Variants in MADD observed in about 807,000 individuals in gnomAD.
MADD encodes MAP kinase activating death domain, also known as MAP kinase-activating death domain protein.
Under a neutral mutation model 176.7 loss-of-function variants are expected in MADD, and 109 were observed. The ratio of observed to expected loss-of-function variants is 0.62; its 90% CI spans 0.53 to 0.72. The LOEUF (loss-of-function observed/expected upper bound fraction) is 0.72. Among genes scored for constraint, MADD ranks in the 30% least tolerant of loss-of-function variants. The probability of loss-of-function intolerance (pLI) is 0.00; values close to 1 mark genes in which losing one functional copy is unlikely to be tolerated. For synonymous variants in MADD, 771 were observed against 771.3 expected (o/e 1.00, Z 0.01); for missense variants, 1,914 against 2,045.5 (o/e 0.94, Z 1.24).
intron 27 of MADD, among the ~76,000 whole-genome samples, chr11:47,320,779 AGG>A (rs1335938558): frequency 6.6e-6 from 1 of 152,018 alleles, no homozygotes; most frequent in African/African-American, 2.4e-5. Flanking sequence ...AAAATAAGCT[AGG>A]CATGCTAGTG....
rs201296040 is a variant in MADD at position 47,295,852 on chromosome 11, G to A, written c.3484-45G>A. The A allele has an allele frequency of 1.9e-6, 3 of 1,572,670 alleles. No individual in the cohort carries two copies. The African/African-American group carries it at 4.1e-5, about 21-fold the overall frequency. The stretch of plus-strand genomic sequence containing the variant: ...GCTCTAACAGCTTGGTATTTCTGGG[G>A]CCCATCCCTGGGGACTGTCTCTTAC... On this transcript the variant is annotated intron_variant, in intron 21 of 32. Transcript: ENST00000402192.
intron 22 of MADD, among the ~76,000 whole-genome samples, chr11:47,298,116 A>G (rs953817362): frequency 3.3e-5 from 5 of 152,134 alleles, no homozygotes; most frequent in African/African-American, 1.2e-4. Flanking sequence ...AACCTTCACC[A>G]CAAAATCTAA....
chr11:47,324,680 C>T lies in MADD; in HGVS notation c.4542+103C>T, dbSNP rs112466691. On this transcript the variant is annotated intron_variant, in intron 30 of 32. Transcript: ENST00000402192. ...CCCAGCAAGCATGAGAGAGGGCCCTCTGGAGCTAGAGGGAGAACTGGAGCA... is the reference window on the plus strand; with the variant it reads ...CCCAGCAAGCATGAGAGAGGGCCCTTTGGAGCTAGAGGGAGAACTGGAGCA... 240 of 810,908 alleles carry T rather than the reference C, an allele frequency of 3.0e-4. 1 individual carries two copies. The African/African-American group carries it at 3.3e-3, about 11-fold the overall frequency. 50.2% of individuals were successfully genotyped at this position (810,908 alleles called of 1,614,324 possible).
exon 24 of MADD, chr11:47,309,300 A>G (rs1211215212): frequency 3.1e-6 from 5 of 1,614,064 alleles, no homozygotes; most frequent in African/African-American, 1.3e-5. Flanking sequence ...GTTCTACTTT[A>G]TGGGACCAAA....
At chr11:47,281,530 C>T in intron 7 of MADD, 45 bp from the exon 8 acceptor site, 1 of 1,514,472 alleles carries the variant, frequency 6.6e-7, no homozygotes, top group Admixed American at 1.8e-5. Context: ...TGGCTAGCTG[C>T]CCAGGGACGT....
At chr11:47,322,223 T>A (rs1422603652) in intron 27 of MADD, among the ~76,000 whole-genome samples, 4 of 152,160 alleles carry the variant, frequency 2.6e-5, no homozygotes, top group African/African-American at 9.7e-5. Context: ...AGCTCAGTAA[T>A]GGCAGAGCTG....
At chr11:47,289,270 G>A in intron 15 of MADD, 121 bp from the exon 17 acceptor site, 2 of 889,478 alleles carry the variant, frequency 2.2e-6, no homozygotes, top group Admixed American at 3.9e-5. Flanking sequence ...TGATGCCTTG[G>A]TGCTACCCTC....
At chr11:47,269,756 T>G (rs1388434437), upstream of MADD, 1 of 147,146 alleles carries the variant, frequency 6.8e-6, no homozygotes, top group Non-Finnish European at 1.5e-5. Flanking sequence ...AGCGCGTGAG[T>G]GGGGGGTGGG....
intron 26 of MADD, among the ~76,000 whole-genome samples, chr11:47,313,921 G>C (rs559618201): frequency 6.6e-6 from 1 of 151,806 alleles, no homozygotes; most frequent in Admixed American, 6.6e-5. Context: ...CACAACGCCC[G>C]GCTAATTTTT....
exon 3 of MADD, chr11:47,275,094 C>G: frequency 6.2e-7 from 1 of 1,614,246 alleles, no homozygotes; most frequent in Non-Finnish European, 8.5e-7. Flanking sequence ...CTCTCAAGCG[C>G]CTGGTGGACT....
intron 8 of MADD, 71 bp downstream of exon 8, chr11:47,281,824 C>T (rs1333467943): frequency 2.5e-5 from 26 of 1,061,138 alleles, no homozygotes; most frequent in Non-Finnish European, 3.3e-5. Context: ...GACCTTGGGG[C>T]AGACTATTTC....
chr11:47,295,313 A>G (rs1251743931), intron 20 of MADD, among the ~76,000 whole-genome samples, 183 bp from the exon 23 acceptor site: 2 of 151,974 alleles, frequency 1.3e-5, no homozygotes, highest in African/African-American at 2.4e-5. Flanking sequence ...TGCCCGGCCT[A>G]TTTCTTTTTT....
Position 47,290,060 on chromosome 11 carries a change from G to T in MADD, c.2943+7G>T. On this transcript the variant is annotated splice_region_variant and intron_variant, in intron 17 of 32. Transcript: ENST00000402192. ...GGACATCATCCCGGATGTGGTCAGT[G>T]TTGGGGGTAGGGAATCGGAGTAACT... 2 of 1,613,500 alleles carry T rather than the reference G, an allele frequency of 1.2e-6. No individual in the cohort carries two copies. The highest frequency in any genetic ancestry group is 2.2e-5 in the East Asian group (1 of 44,864).
In MADD at chr11:47,282,940, G is replaced by A. The variant is rs775336627; in HGVS notation, c.1833G>A (p.Arg611=). ...AGGCCCTGAGTGTACCACCAGAGCG[G>A]GACTCTGACTCCGAACCTACTGATG... is the stretch of plus-strand genomic sequence containing the variant. The change falls in exon 10 of 33, where the codon CGG becomes CGA. Residue 611 remains arginine, a synonymous_variant. Transcript: ENST00000402192. 1.2e-5 allele frequency: 20 copies of A among 1,613,684 alleles called. No individual in the cohort carries two copies. In the African/African-American group the frequency reaches 1.6e-4, roughly 13 times the overall value.
At chr11:47,287,988 C>T (rs1257915261) in intron 15 of MADD, among the ~76,000 whole-genome samples, 1 of 151,584 alleles carries the variant, frequency 6.6e-6, no homozygotes, top group Admixed American at 6.6e-5. Context: ...AAGGTTTCAC[C>T]GTGTTAGCCA....
intron 7 of MADD, 79 bp from the exon 8 acceptor site, chr11:47,281,496 A>G: frequency 1.7e-6 from 2 of 1,179,726 alleles, no homozygotes; most frequent in Non-Finnish European, 2.3e-6. Context: ...GACCTTAGGA[A>G]GGCCTTTTCC....
chr11:47,321,267 C>A (rs1333876017), intron 27 of MADD, among the ~76,000 whole-genome samples: 1 of 152,122 alleles, frequency 6.6e-6, no homozygotes, highest in Non-Finnish European at 1.5e-5. Context: ...GTCCATTTTC[C>A]CCCTGGAGAT....
intron 27 of MADD, among the ~76,000 whole-genome samples, chr11:47,316,385 C>CTTTTTTTT (rs1008702414): frequency 2.6e-4 from 34 of 130,206 alleles, no homozygotes; most frequent in Non-Finnish European, 3.0e-4. Flanking sequence ...TTTTCTTTTT[C>CTTTTTTTT]TTTTTTTTTT....
chr11:47,299,982 CA>C (rs2076373222), intron 22 of MADD, among the ~76,000 whole-genome samples: 1 of 152,154 alleles, frequency 6.6e-6, no homozygotes, highest in Non-Finnish European at 1.5e-5. Flanking sequence ...GAAAAACTTT[CA>C]TCTTTCCCCA....
Sources: allele counts gnomAD v4.1 joint callset (sites outside exome capture counted in the v4.1 genomes callset), GRCh38; gene constraint gnomAD v4.1.1; transcripts MANE v1.5; gene names NCBI Gene and HGNC (gene_info 2026-07-23, HGNC 2026-07-21).